AKAP11: variants seen among roughly 807,000 people sequenced by gnomAD.
The protein encoded by AKAP11 is A-kinase anchoring protein 11.
In AKAP11, 36 loss-of-function variants were observed where a neutral mutation model predicts 146.1. The ratio of observed to expected loss-of-function variants is 0.25; its 90% CI spans 0.19 to 0.33. The LOEUF is 0.33. Among genes scored for constraint, AKAP11 ranks in the 10% least tolerant of loss-of-function variants. The pLI is 1.00. For synonymous variants in AKAP11, 780 were observed against 786.5 expected (o/e 0.99, Z 0.14); for missense variants, 2,201 against 2,197.0 (o/e 1.00, Z -0.04).
At position 42,321,249 on chromosome 13, in the gene AKAP11, GTGA is replaced by G. The variant is rs1297866275; in HGVS notation, c.*2026_*2028del. The G allele has an allele frequency of 1.3e-5, 2 of 152,338 alleles. No individual in the cohort carries two copies. The highest frequency in any genetic ancestry group is 4.8e-5 in the African/African-American group (2 of 41,452). The allele number at this position is 152,338 out of a possible 1,614,324, so 9.4% of individuals were successfully genotyped here. A position where few individuals can be genotyped will look rare whatever the true frequency, so the allele number is the denominator to read the frequency against. ...AATAGAGTTCTGAATTTCTTTTAAA[GTGA>G]TGATATATTATTTTGTGAAACTTTG... is the stretch of plus-strand genomic sequence containing the variant. On this transcript the variant is annotated 3_prime_UTR_variant, in exon 13 of 13. Coordinates refer to ENST00000025301, the MANE Select transcript of AKAP11 (RefSeq NM_016248.4).
At chr13:42,295,235 T>C (rs1594322860) in intron 4 of AKAP11, among the ~76,000 whole-genome samples, 1 of 152,088 alleles carries the variant, frequency 6.6e-6, no homozygotes, top group Admixed American at 6.6e-5. Flanking sequence ...TAGGCAGGAA[T>C]GTACAGGGCG....
intron 1 of AKAP11, among the ~76,000 whole-genome samples, chr13:42,277,980 C>T (rs996504602): frequency 3.9e-5 from 6 of 152,122 alleles, no homozygotes; most frequent in African/African-American, 1.4e-4. Flanking sequence ...TGATTTTGCT[C>T]CCCAAGGAAA....
intron 3 of AKAP11, among the ~76,000 whole-genome samples, chr13:42,292,135 C>T (rs558642777): frequency 6.4e-4 from 97 of 152,216 alleles, no homozygotes; most frequent in Non-Finnish European, 1.1e-3. Flanking sequence ...TGAGATCTCA[C>T]GTGATCTTCT....
intron 5 of AKAP11, among the ~76,000 whole-genome samples, chr13:42,296,277 G>A (rs238337): frequency 1 from 151,555 of 152,296 alleles, 75,414 homozygotes; most frequent in Middle Eastern, 1. Flanking sequence ...GTGATTATGG[G>A]CAAAAACTGC....
chr13:42,321,150 G>A lies in AKAP11; in HGVS notation c.*1922G>A, dbSNP rs1961070008. 1 of 152,324 alleles carries A rather than the reference G, an allele frequency of 6.6e-6. No homozygotes were observed. The highest frequency in any genetic ancestry group is 1.5e-5 in the Non-Finnish European group (1 of 68,034). The allele number at this position is 152,324 out of a possible 1,614,324, so 9.4% of individuals were successfully genotyped here. A position where few individuals can be genotyped will look rare whatever the true frequency, so the allele number is the denominator to read the frequency against. On this transcript the variant is annotated 3_prime_UTR_variant, in exon 13 of 13. Coordinates refer to ENST00000025301, the MANE Select transcript of AKAP11 (RefSeq NM_016248.4). The stretch of plus-strand genomic sequence containing the variant: ...ATTAATTGATTATTAAGTTTAGAAT[G>A]CATTTTTACAAGTATCTAACTATCA...
intron 4 of AKAP11, among the ~76,000 whole-genome samples, chr13:42,293,918 G>A (rs972080665): frequency 2.6e-5 from 4 of 152,232 alleles, no homozygotes; most frequent in Non-Finnish European, 5.9e-5. Flanking sequence ...TTGAGTGCCT[G>A]TAATGTGCTA....
intron 9 of AKAP11, among the ~76,000 whole-genome samples, chr13:42,308,927 T>C (rs1214310677): frequency 6.6e-6 from 1 of 151,946 alleles, no homozygotes; most frequent in Non-Finnish European, 1.5e-5. Flanking sequence ...TTAAAAAGGG[T>C]ACTTTTTTTT....
intron 3 of AKAP11, among the ~76,000 whole-genome samples, chr13:42,289,586 C>T (rs117175399): frequency 6.6e-5 from 10 of 152,168 alleles, no homozygotes; most frequent in Non-Finnish European, 8.8e-5. Flanking sequence ...TTTTCACTTT[C>T]GGGTTGTATC....
rs1205511366 is a variant in AKAP11 at position 42,321,123 on chromosome 13, GAATT to G, written c.*1900_*1903del. Reference sequence around the variant, plus strand: ...AGGAATGTTTGCTCTTGTTAATTATGAATTAATTGATTATTAAGTTTAGAATGCA... The same window carrying G: ...AGGAATGTTTGCTCTTGTTAATTATGAATTGATTATTAAGTTTAGAATGCA... On this transcript the variant is annotated 3_prime_UTR_variant, in exon 13 of 13. Coordinates refer to ENST00000025301, the MANE Select transcript of AKAP11 (RefSeq NM_016248.4). 2 of 152,220 alleles carry G rather than the reference GAATT, an allele frequency of 1.3e-5. No individual in the cohort carries two copies. Among genetic ancestry groups the G allele is most frequent in the East Asian group, 3.7e-4 (2 of 5,334 alleles). 9.4% of individuals were successfully genotyped at this position (152,220 alleles called of 1,614,324 possible).
intron 3 of AKAP11, among the ~76,000 whole-genome samples, chr13:42,286,986 C>G (rs1350738833): frequency 1.3e-5 from 2 of 152,186 alleles, no homozygotes; most frequent in Admixed American, 6.5e-5. Context: ...ATTTCTTTTT[C>G]TGGACTTCAT....
At chr13:42,279,216 T>TA (rs35094684) in intron 1 of AKAP11, among the ~76,000 whole-genome samples, 102,446 of 151,788 alleles carry the variant, frequency 0.67, 34,748 homozygotes, top group East Asian at 0.79. Context: ...TGTCTTCAAA[T>TA]TTTTTTTTCT....
intron 8 of AKAP11, among the ~76,000 whole-genome samples, chr13:42,305,919 G>A (rs61959445): frequency 0.12 from 18,761 of 152,152 alleles, 1,299 homozygotes; most frequent in South Asian, 0.17. Context: ...GAGAGAGAGA[G>A]AAGGGGGAGC....
rs575636660 is a variant in AKAP11 at position 42,320,960 on chromosome 13, A to C, written c.*1732A>C. 2.6e-5 allele frequency: 4 copies of C among 152,422 alleles called. No individual in the cohort carries two copies. Among genetic ancestry groups the C allele is most frequent in the Non-Finnish European group, 4.4e-5 (3 of 68,014 alleles). The allele number at this position is 152,422 out of a possible 1,614,324, so 9.4% of individuals were successfully genotyped here. On this transcript the variant is annotated 3_prime_UTR_variant, in exon 13 of 13. Coordinates refer to ENST00000025301, the MANE Select transcript of AKAP11 (RefSeq NM_016248.4). Reference sequence around the variant, plus strand: ...CAGAAATACAGCAAGCCTTAATATAAAGTTTCCTAAAGTTTCTTCAAGTAT... The same window carrying C: ...CAGAAATACAGCAAGCCTTAATATACAGTTTCCTAAAGTTTCTTCAAGTAT...
At position 42,302,069 on chromosome 13, in the gene AKAP11, C is replaced by A; in HGVS notation, c.3323C>A (p.Pro1108Gln). 6.2e-7 allele frequency: 1 copy of A among 1,614,134 alleles called. No individual in the cohort carries two copies. Among genetic ancestry groups the A allele is most frequent in the South Asian group, 1.1e-5 (1 of 91,074 alleles). ...PDTPPSTPLV[P>Q]SRASSEWDIK... ...ACTCCTCCATCAACTCCTCTAGTAC[C>A]ATCCCGGGCTAGTTCTGAATGGGAT... The change falls in exon 8 of 13, where the codon CCA (proline) becomes CAA (glutamine). Residue 1108 changes from proline to glutamine, a missense_variant. Coordinates refer to ENST00000025301, the MANE Select transcript of AKAP11 (RefSeq NM_016248.4).
At chr13:42,311,595 T>C (rs535046703) in intron 9 of AKAP11, among the ~76,000 whole-genome samples, 1 of 152,274 alleles carries the variant, frequency 6.6e-6, no homozygotes, top group South Asian at 2.1e-4. Flanking sequence ...TTCGTTTAGC[T>C]GTTTTTTTTT....
chr13:42,290,921 C>G (rs1442160043), intron 3 of AKAP11, among the ~76,000 whole-genome samples: 3 of 152,140 alleles, frequency 2.0e-5, no homozygotes, highest in African/African-American at 7.2e-5. Flanking sequence ...AGACCAAAAG[C>G]TGGGTGCTGA....
At chr13:42,295,267 G>A (rs1375885374) in intron 4 of AKAP11, among the ~76,000 whole-genome samples, 1 of 152,186 alleles carries the variant, frequency 6.6e-6, no homozygotes, top group Admixed American at 6.6e-5. Flanking sequence ...CAGAAAGGGG[G>A]CTCGTGTGTA....
At chr13:42,304,015 C>G (rs1223685073) in intron 8 of AKAP11, 152 bp downstream of exon 8, 1 of 1,019,310 alleles carries the variant, frequency 9.8e-7, no homozygotes, top group South Asian at 2.1e-5. Context: ...GTTTCATATC[C>G]TACACATGAC....
rs1218187119 is a variant in AKAP11, at chr13:42,301,132, T to C, written c.2386T>C (p.Ser796Pro). The change falls in exon 8 of 13, where the codon TCT becomes CCT. Residue 796 changes from serine to proline, a missense_variant. Transcript: ENST00000025301. ...GSALLPYHIS[S>P]TACQAKAHLS... ...TGCCCTTCTCCCATATCATATTTCA[T>C]CTACTGCATGTCAGGCCAAGGCTCA... 1 of 1,614,010 alleles carries C rather than the reference T, an allele frequency of 6.2e-7. No homozygotes were observed. Among genetic ancestry groups the C allele is most frequent in the African/African-American group, 1.3e-5 (1 of 74,936 alleles).
Sources: gnomAD v4.1 joint callset for allele counts (sites outside exome capture counted in the v4.1 genomes callset) on GRCh38, gnomAD v4.1.1 for gene constraint, MANE v1.5 for transcripts, NCBI Gene and HGNC (gene_info 2026-07-23, HGNC 2026-07-21) for gene names.